The following NTRK1 variants were observed in gnomAD, a reference collection of about 807,000 sequenced individuals.
NTRK1 encodes neurotrophic receptor tyrosine kinase 1.
NTRK1 carries 62 observed loss-of-function variants against 86.8 expected under a neutral mutation model. The observed-to-expected ratio is 0.71, with a 90% confidence interval of 0.58 to 0.88. NTRK1 has a LOEUF of 0.88. Among genes scored for constraint, NTRK1 ranks in the 40% least tolerant of loss-of-function variants. NTRK1 has a pLI of 0.00. For synonymous variants in NTRK1, 469 were observed against 456.6 expected (o/e 1.03, Z -0.35); for missense variants, 967 against 1,078.4 (o/e 0.90, Z 1.45).
At chr1:156,877,911 A>G (rs1315902154) in intron 14 of NTRK1, among the ~76,000 whole-genome samples, 1 of 152,154 alleles carries the variant, frequency 6.6e-6, no homozygotes, top group Non-Finnish European at 1.5e-5. Context: ...GCCAGACCCA[A>G]GGTTGAGTGT....
upstream of NTRK1, chr1:156,858,745 A>T: frequency 1.3e-6 from 1 of 760,142 alleles, no homozygotes; most frequent in South Asian, 1.5e-5. Flanking sequence ...GCAGGGGCAG[A>T]GAGACAAGGA....
In NTRK1 at chr1:156,864,380, A is replaced by C. The variant is rs55891455; in HGVS notation, c.239A>C (p.Gln80Pro). 6.2e-7 allele frequency: 1 copy of C among 1,614,048 alleles called. No individual in the cohort carries two copies. The highest frequency in any genetic ancestry group is 1.7e-5 in the Admixed American group (1 of 60,008). Reference sequence around the variant, plus strand: ...TACATCGAGAACCAGCAGCATCTGCAGCATCTGGAGCTCCGTGATCTGAGG... The same window carrying C: ...TACATCGAGAACCAGCAGCATCTGCCGCATCTGGAGCTCCGTGATCTGAGG... Reference protein sequence around the residue: ...ELYIENQQHLQHLELRDLRGL... With the variant: ...ELYIENQQHLPHLELRDLRGL... Residue 80 changes from glutamine (Q) to proline (P), a missense_variant, in exon 2 of 17, where the codon CAG becomes CCG. By Grantham distance (76) the Gln-to-Pro change is moderately conservative. Coordinates refer to ENST00000524377, the MANE Select transcript of NTRK1 (RefSeq NM_002529.4).
intron 1 of NTRK1, among the ~76,000 whole-genome samples, chr1:156,838,777 T>C (rs756764417): frequency 5.3e-5 from 8 of 152,254 alleles, no homozygotes; most frequent in Non-Finnish European, 1.0e-4. Context: ...CCTCTTTTCT[T>C]CGACTTCCAA....
intron 2 of NTRK1, chr1:156,842,279 C>T: frequency 6.2e-7 from 1 of 1,613,918 alleles, no homozygotes; most frequent in Non-Finnish European, 8.5e-7. Flanking sequence ...GTTCTAGAGC[C>T]AAGATTGGGG....
intron 10 of NTRK1, 113 bp from the exon 11 acceptor site, chr1:156,874,793 G>A (rs140653639): frequency 8.5e-7 from 1 of 1,172,042 alleles, no homozygotes. Flanking sequence ...GGATGAGGCA[G>A]GTCTGGAGAC....
At position 156,868,266 on chromosome 1, in the gene NTRK1, G is replaced by A. The variant is rs774956000; in HGVS notation, c.574+17G>A. The A allele has an allele frequency of 6.2e-7, 1 of 1,605,808 alleles. No individual in the cohort carries two copies. Among genetic ancestry groups the A allele is most frequent in the East Asian group, 2.2e-5 (1 of 44,872 alleles). On this transcript the variant is annotated intron_variant, in intron 5 of 16. Transcript: ENST00000524377. The stretch of plus-strand genomic sequence containing the variant: ...CCAGCTGTGGTAGGTGCCGGGTGAG[G>A]GAGGTGGTGTAAGGGGGCTGGGGAA...
intron 1 of NTRK1, chr1:156,840,961 C>T (rs753317899): frequency 6.2e-6 from 10 of 1,613,716 alleles, no homozygotes; most frequent in East Asian, 4.5e-5. Context: ...CAGGGAGCCC[C>T]GGGCCCCCCG....
chr1:156,847,963 C>T (rs1008942931), intron 2 of NTRK1, among the ~76,000 whole-genome samples: 4 of 152,112 alleles, frequency 2.6e-5, no homozygotes, highest in African/African-American at 9.7e-5. Context: ...TGCCAGGGCT[C>T]CTTAGAGTGC....
chr1:156,816,155 C>A, intron 1 of NTRK1: 1 of 1,538,170 alleles, frequency 6.5e-7, no homozygotes, highest in Non-Finnish European at 8.8e-7. Flanking sequence ...GTCTCTGCCT[C>A]CCACCCCTCC....
At position 156,868,250 on chromosome 1, in the gene NTRK1, G is replaced by A. The variant is rs1232901259; in HGVS notation, c.574+1G>A. 7 of 1,608,606 alleles carry A rather than the reference G, an allele frequency of 4.4e-6. No individual in the cohort carries two copies. The highest frequency in any genetic ancestry group is 5.9e-6 in the Non-Finnish European group (7 of 1,179,992). ...GCCCACATGCCCAATGCCAGCTGTG[G>A]TAGGTGCCGGGTGAGGGAGGTGGTG... On this transcript the variant is annotated splice_donor_variant, in intron 5 of 16. Coordinates refer to ENST00000524377, the MANE Select transcript of NTRK1 (RefSeq NM_002529.4). LOFTEE classifies it high-confidence loss of function.
intron 6 of NTRK1, among the ~76,000 whole-genome samples, chr1:156,869,018 C>CCCTCCCTTCCTTCCTTCCTTCCTT (rs1553261499): frequency 2.1e-4 from 9 of 43,502 alleles, no homozygotes; most frequent in Non-Finnish European, 3.1e-4. Flanking sequence ...TTTTCTCTCT[C>CCCTCCCTTCCTTCCTTCCTTCCTT]CCTTCCTTCC....
intron 1 of NTRK1, among the ~76,000 whole-genome samples, chr1:156,829,472 C>T (rs910630403): frequency 6.6e-6 from 1 of 152,146 alleles, no homozygotes; most frequent in Non-Finnish European, 1.5e-5. Context: ...GCCTCCCCAG[C>T]CCAGGTTCTG....
chr1:156,841,512 G>A, intron 1 of NTRK1: 1 of 1,614,010 alleles, frequency 6.2e-7, no homozygotes, highest in East Asian at 2.2e-5. Flanking sequence ...ATCTCCCAGA[G>A]TACCACGCCA....
chr1:156,841,371 A>AAGGGGC, intron 1 of NTRK1: 1 of 1,610,684 alleles, frequency 6.2e-7, no homozygotes, highest in Non-Finnish European at 8.5e-7. Flanking sequence ...AACAATGAGG[A>AAGGGGC]AGGGGCAGGG....
In NTRK1 at chr1:156,865,801, G is replaced by A. The variant is rs188028393; in HGVS notation, c.359+1002G>A. Among the ~76,000 whole-genome samples the A allele has an allele frequency of 3.9e-3, 590 of 152,298 alleles. 4 individuals carry two copies. Among genetic ancestry groups the A allele is most frequent in the South Asian group, 0.024 (115 of 4,818 alleles). ...TCAGCTCCCCTGTCCCCCAATATGA[G>A]CAGGCAGAGAGATGGGAAGGATGGT... On this transcript the variant is annotated intron_variant, in intron 3 of 16. Coordinates refer to ENST00000524377, the MANE Select transcript of NTRK1 (RefSeq NM_002529.4).
chr1:156,825,081 G>T (rs528907349), intron 1 of NTRK1, among the ~76,000 whole-genome samples: 2 of 152,226 alleles, frequency 1.3e-5, no homozygotes, highest in Non-Finnish European at 2.9e-5. Flanking sequence ...TAGAGACGGG[G>T]TTTTGCCATG....
At chr1:156,869,798 G>A (rs557594437) in intron 6 of NTRK1, among the ~76,000 whole-genome samples, 2 of 152,238 alleles carry the variant, frequency 1.3e-5, no homozygotes, top group Non-Finnish European at 2.9e-5. Flanking sequence ...TAACTCAGTC[G>A]GCCTTGTTGA....
chr1:156,845,035 G>A (rs762056651), intron 2 of NTRK1: 10 of 1,571,100 alleles, frequency 6.4e-6, no homozygotes, highest in Non-Finnish European at 8.6e-6. Context: ...GGTCCTTGGG[G>A]TCGGTGATGG....
chr1:156,868,399 C>A (rs758765620), intron 5 of NTRK1, 106 bp from the exon 6 acceptor site: 14 of 1,537,294 alleles, frequency 9.1e-6, no homozygotes, highest in Non-Finnish European at 1.2e-5. Flanking sequence ...ATCGCCTGGG[C>A]TCCAGGTCAT....
Sources: allele counts gnomAD v4.1 joint callset (sites outside exome capture counted in the v4.1 genomes callset), GRCh38; gene constraint gnomAD v4.1.1; transcripts MANE v1.5; gene names NCBI Gene and HGNC (gene_info 2026-07-23, HGNC 2026-07-21).